The following PCDHA3 variants were observed in gnomAD, a reference collection of about 807,000 sequenced individuals.
PCDHA3 encodes the protein protocadherin alpha 3, also known as protocadherin alpha-3.
A neutral mutation model predicts 62.2 loss-of-function variants in PCDHA3; 41 were observed. The observed-to-expected ratio is 0.66, with a 90% CI of 0.51 to 0.86. The LOEUF is 0.86. PCDHA3 is among the 40% of genes least tolerant of loss of function. PCDHA3 has a pLI of 0.00. For missense variants in PCDHA3, 1,304 were observed against 1,241.2 expected, an observed-to-expected ratio of 1.05 and a Z score of -0.76; for synonymous variants, 640 against 555.4, an observed-to-expected ratio of 1.15 and a Z score of -2.14.
Position 140,843,405 on chromosome 5 carries a change from A to T in PCDHA3, c.2394+39814A>T. On this transcript the variant is annotated intron_variant, in intron 1 of 3. Transcript: ENST00000522353. ...TTGGGTCCGGAAGCGGCGCTGGTGG[A>T]TGTCAACGTGTACCTGATCATCGCC... The T allele has an allele frequency of 1.4e-5, 23 of 1,595,948 alleles. 2 individuals are homozygous for T. The highest frequency in any genetic ancestry group is 2.0e-5 in the Non-Finnish European group (23 of 1,165,558).
rs2040836417 is a variant in PCDHA3 at position 140,849,271 on chromosome 5, C to G, written c.2394+45680C>G. ...TTACCAGAAAACGTTTCTATCGGAA[C>G]GCTGGTGATTCACCCCAATGCCTCA... is the stretch of plus-strand genomic sequence containing the variant. On this transcript the variant is annotated intron_variant, in intron 1 of 3. Coordinates refer to ENST00000522353, the MANE Select transcript of PCDHA3 (RefSeq NM_018906.3). 10 of 1,147,158 alleles carry G rather than the reference C, an allele frequency of 8.7e-6. No individual in the cohort carries two copies. In the East Asian group the frequency reaches 2.3e-4, roughly 26 times the overall value. 71.1% of individuals were successfully genotyped at this position (1,147,158 alleles called of 1,614,324 possible).
intron 1 of PCDHA3, chr5:140,829,519 G>A (rs140453889): frequency 2.7e-5 from 43 of 1,613,306 alleles, no homozygotes; most frequent in Non-Finnish European, 3.6e-5. Flanking sequence ...ACATCTTCAC[G>A]GTGTCTGCGC....
intron 1 of PCDHA3, chr5:140,927,330 G>A (rs2084093036): frequency 6.2e-7 from 1 of 1,614,140 alleles, no homozygotes; most frequent in Non-Finnish European, 8.5e-7. Flanking sequence ...TTACTCTCCC[G>A]AATGCCCAAG....
intron 1 of PCDHA3, among the ~76,000 whole-genome samples, chr5:140,970,923 C>T (rs1009753173): frequency 1.3e-5 from 2 of 152,032 alleles, no homozygotes; most frequent in African/African-American, 4.8e-5. Flanking sequence ...ATCAGAAGTG[C>T]CTGGTGTTAG....
chr5:140,840,439 A>G (rs1776702337), intron 1 of PCDHA3, among the ~76,000 whole-genome samples: 1 of 151,972 alleles, frequency 6.6e-6, no homozygotes, highest in Non-Finnish European at 1.5e-5. Context: ...AAGCCGTGGA[A>G]ATAGAAACGT....
At position 140,842,873 on chromosome 5, in the gene PCDHA3, T is replaced by A. The variant is rs2150346910; in HGVS notation, c.2394+39282T>A. On this transcript the variant is annotated intron_variant, in intron 1 of 3. Coordinates refer to ENST00000522353, the MANE Select transcript of PCDHA3 (RefSeq NM_018906.3). Reference sequence around the variant, plus strand: ...GGTGCACACGGAGAGCGGCAAGGTGTACGCGCTGCAGCCGCTGGACCACGA... The same window carrying A: ...GGTGCACACGGAGAGCGGCAAGGTGAACGCGCTGCAGCCGCTGGACCACGA... 38 of 1,593,718 alleles carry A rather than the reference T, an allele frequency of 2.4e-5. 5 individuals carry two copies. The highest frequency in any genetic ancestry group is 2.3e-4 in the African/African-American group (17 of 74,220).
At chr5:140,987,296 A>G (rs782162576) in intron 3 of PCDHA3, among the ~76,000 whole-genome samples, 1 of 152,126 alleles carries the variant, frequency 6.6e-6, no homozygotes, top group African/African-American at 2.4e-5. Context: ...CAAGCCTTCT[A>G]TGTGATACCA....
chr5:140,963,196 GA>G (rs199602110), intron 1 of PCDHA3, among the ~76,000 whole-genome samples: 26 of 147,674 alleles, frequency 1.8e-4, no homozygotes, highest in South Asian at 4.3e-4. Context: ...CTGTGAAAAT[GA>G]AAAAAAAAAC....
chr5:140,942,617 TG>T (rs1223896117), intron 1 of PCDHA3, among the ~76,000 whole-genome samples: 4 of 100,138 alleles, frequency 4.0e-5, no homozygotes, highest in Admixed American at 9.6e-5. Flanking sequence ...ATTTGCCAAT[TG>T]TAAAAAAAAA....
chr5:140,822,687 C>T (rs2150118537), intron 1 of PCDHA3: 1 of 1,608,794 alleles, frequency 6.2e-7, no homozygotes, highest in African/African-American at 1.3e-5. Flanking sequence ...TAAAAGTTAA[C>T]GGGGAACTGG....
At chr5:140,948,942 T>TA (rs34363674) in intron 1 of PCDHA3, among the ~76,000 whole-genome samples, 48,005 of 151,444 alleles carry the variant, frequency 0.32, 7,947 homozygotes, top group East Asian at 0.53. Flanking sequence ...TCTTCTAATA[T>TA]AAAAAAATTA....
intron 1 of PCDHA3, among the ~76,000 whole-genome samples, chr5:140,959,109 G>A (rs1401809702): frequency 1.3e-5 from 2 of 152,040 alleles, no homozygotes; most frequent in African/African-American, 4.8e-5. Context: ...GCAGGGGTCC[G>A]AAGGTGGGCG....
At position 140,856,216 on chromosome 5, in the gene PCDHA3, G is replaced by A. The variant is rs782147679; in HGVS notation, c.2394+52625G>A. ...CGCAGGACCTGGGGCTGGAGCTGGC[G>A]GAGCTGGTGCAGCGCCTGTTCCGGG... On this transcript the variant is annotated intron_variant, in intron 1 of 3. Coordinates refer to ENST00000522353, the MANE Select transcript of PCDHA3 (RefSeq NM_018906.3). The A allele has an allele frequency of 8.1e-6, 13 of 1,597,922 alleles. 1 individual carries two copies. The Admixed American group carries it at 1.5e-4, about 19-fold the overall frequency.
chr5:140,871,218 G>C, intron 1 of PCDHA3: 19 of 1,613,884 alleles, frequency 1.2e-5, no homozygotes, highest in Non-Finnish European at 1.6e-5. Context: ...CCATCTGCGT[G>C]GTGTCCAGCC....
At chr5:140,991,682 C>G (rs1234700322) in intron 3 of PCDHA3, among the ~76,000 whole-genome samples, 2 of 152,170 alleles carry the variant, frequency 1.3e-5, no homozygotes, top group Non-Finnish European at 2.9e-5. Context: ...TCTGAGTCCT[C>G]TCTAGTAGAG....
intron 1 of PCDHA3, chr5:140,858,468 G>A: frequency 6.6e-7 from 1 of 1,521,202 alleles, no homozygotes; most frequent in East Asian, 2.4e-5. Context: ...TTCCTTTTGT[G>A]CTTTATGAAT....
chr5:140,903,023 G>A (rs1554190732), intron 1 of PCDHA3, among the ~76,000 whole-genome samples: 1 of 152,126 alleles, frequency 6.6e-6, no homozygotes, highest in East Asian at 1.9e-4. Context: ...TATCAACATG[G>A]CTTGCACATG....
intron 1 of PCDHA3, among the ~76,000 whole-genome samples, chr5:140,908,919 G>T (rs781892541): frequency 1.3e-5 from 2 of 152,158 alleles, no homozygotes; most frequent in Non-Finnish European, 2.9e-5. Context: ...TGTAGGAGGG[G>T]CCAAATGCAG....
chr5:140,909,234 A>G (rs782659410), intron 1 of PCDHA3, among the ~76,000 whole-genome samples: 12 of 152,220 alleles, frequency 7.9e-5, no homozygotes, highest in Non-Finnish European at 1.3e-4. Context: ...GTAGGATGGT[A>G]AAGATATATT....
Sources: gnomAD v4.1 joint callset for allele counts (sites outside exome capture counted in the v4.1 genomes callset) on GRCh38, gnomAD v4.1.1 for gene constraint, MANE v1.5 for transcripts, NCBI Gene and HGNC (gene_info 2026-07-23, HGNC 2026-07-21) for gene names.